ABCF1: variants seen among roughly 807,000 people sequenced by gnomAD.
ABCF1 encodes the protein ATP-binding cassette sub-family F member 1.
Under a neutral mutation model 126.3 loss-of-function variants are expected in ABCF1, and 73 were observed. That is an observed-to-expected ratio of 0.58 (90% CI 0.48 to 0.70). ABCF1 has a LOEUF of 0.70. Ranked by LOEUF, ABCF1 falls within the 30% of genes least tolerant of loss-of-function variation. The pLI is 0.00. For missense variants in ABCF1, 786 were observed against 1,057.5 expected (o/e 0.74, Z 3.56); for synonymous variants, 345 against 396.4 (o/e 0.87, Z 1.54).
intron 20 of ABCF1, among the ~76,000 whole-genome samples, chr6:30,588,617 C>T (rs1382565944): frequency 6.6e-6 from 1 of 151,994 alleles, no homozygotes; most frequent in Admixed American, 6.6e-5. Flanking sequence ...CGTCGGCCTC[C>T]CAGAGTGCTG....
rs188990456 is a variant in ABCF1, at chr6:30,575,384, A to G, written c.74-2025A>G. 4.7e-5 allele frequency among the ~76,000 whole-genome samples: 7 copies of G among 148,994 alleles called. No homozygotes were observed. The East Asian group carries it at 1.4e-3, about 30-fold the overall frequency. ...CACCCGACCAATTTTTTTTTTTTTA[A>G]TATTAAATACTGAAATGCTTAAGGG... On this transcript the variant is annotated intron_variant, in intron 1 of 24. Coordinates refer to ENST00000326195, the MANE Select transcript of ABCF1 (RefSeq NM_001025091.2).
chr6:30,580,667 GTTTGTTTTTGTT>G (rs996352360), intron 8 of ABCF1, 148 bp downstream of exon 8: 2 of 527,124 alleles, frequency 3.8e-6, no homozygotes, highest in African/African-American at 2.0e-5. Context: ...GTGGTGGTTC[GTTTGTTTTTGTT>G]TTTGTTTTTG....
At chr6:30,576,643 C>T (rs753172332) in intron 1 of ABCF1, among the ~76,000 whole-genome samples, 14 of 152,006 alleles carry the variant, frequency 9.2e-5, no homozygotes, top group South Asian at 2.1e-4. Flanking sequence ...TCTTTATGTC[C>T]GCTTGTCACC....
At chr6:30,578,241 G>C (rs2127406802) in intron 4 of ABCF1, 39 bp downstream of exon 4, 2 of 1,613,546 alleles carry the variant, frequency 1.2e-6, no homozygotes, top group East Asian at 4.5e-5. Context: ...TGGAATCCAT[G>C]AGTCATGGAG....
At chr6:30,587,739 C>G (rs1197276453) in intron 20 of ABCF1, among the ~76,000 whole-genome samples, 2 of 151,236 alleles carry the variant, frequency 1.3e-5, no homozygotes, top group African/African-American at 4.9e-5. Context: ...GTCCCAGCTA[C>G]TCGGGAGGCT....
chr6:30,573,885 G>A (rs1801370784), intron 1 of ABCF1, among the ~76,000 whole-genome samples: 1 of 152,172 alleles, frequency 6.6e-6, no homozygotes, highest in African/African-American at 2.4e-5. Flanking sequence ...ACGATTTTGA[G>A]ACCCAATGAG....
chr6:30,588,519 G>A (rs1346825923), intron 20 of ABCF1, among the ~76,000 whole-genome samples: 2 of 151,846 alleles, frequency 1.3e-5, no homozygotes, highest in Non-Finnish European at 1.5e-5. Context: ...GTGCTACCAC[G>A]CCCAGCTAAT....
chr6:30,574,390 G>C lies in ABCF1; in HGVS notation c.73+2830G>C, dbSNP rs1801394657. ...TGGCCTCAACCAGTCCTCCCACCTT[G>C]GTCCCCAAAATGTTGGGATTACAGG... On this transcript the variant is annotated intron_variant, in intron 1 of 24. Transcript: ENST00000326195. This position sits in a 1 kb window ranked among gnomAD's most constrained non-coding sequence, Gnocchi z 4.3. 1.3e-5 allele frequency among the ~76,000 whole-genome samples: 2 copies of C among 152,172 alleles called. No homozygotes were observed. Among genetic ancestry groups the C allele is most frequent in the African/African-American group, 4.8e-5 (2 of 41,446 alleles).
intron 8 of ABCF1, among the ~76,000 whole-genome samples, chr6:30,581,064 T>A (rs925787258): frequency 2.2e-4 from 34 of 152,122 alleles, no homozygotes; most frequent in African/African-American, 6.0e-4. Flanking sequence ...TTTTTTTTTT[T>A]AACAACTCTT....
At chr6:30,585,196 T>C (rs942414470) in intron 14 of ABCF1, 64 bp from the exon 15 acceptor site, 98 of 1,439,322 alleles carry the variant, frequency 6.8e-5, no homozygotes, top group Non-Finnish European at 9.3e-5. Flanking sequence ...CCGAGTTTTC[T>C]CTGGGGTTGT....
chr6:30,577,396 C>A lies in ABCF1; in HGVS notation c.74-13C>A. On this transcript the variant is annotated splice_polypyrimidine_tract_variant and intron_variant, in intron 1 of 24. Coordinates refer to ENST00000326195, the MANE Select transcript of ABCF1 (RefSeq NM_001025091.2). ...TGCAGATAAGCATTCACGATGTCCG[C>A]TTAACTTTCTAGACAAAGTGGTGAA... 6.2e-7 allele frequency: 1 copy of A among 1,613,710 alleles called. No individual in the cohort carries two copies. The highest frequency in any genetic ancestry group is 1.3e-5 in the African/African-American group (1 of 74,970).
At chr6:30,576,080 A>G (rs1436469027) in intron 1 of ABCF1, among the ~76,000 whole-genome samples, 1 of 142,640 alleles carries the variant, frequency 7.0e-6, no homozygotes, top group Non-Finnish European at 1.5e-5. Context: ...TCTCTTAAAA[A>G]AAAAAAAAAA....
chr6:30,573,891 A>G (rs1027989031), intron 1 of ABCF1, among the ~76,000 whole-genome samples: 64 of 152,236 alleles, frequency 4.2e-4, no homozygotes, highest in African/African-American at 1.3e-3. Flanking sequence ...TTGAGACCCA[A>G]TGAGGACAAG....
chr6:30,578,991 C>T (rs551343427), intron 6 of ABCF1, among the ~76,000 whole-genome samples: 1 of 151,938 alleles, frequency 6.6e-6, no homozygotes, highest in South Asian at 2.1e-4. Flanking sequence ...CAGAGCAAGA[C>T]TCAGTCTCAA....
At chr6:30,573,056 T>G (rs940171963) in intron 1 of ABCF1, among the ~76,000 whole-genome samples, 3 of 152,188 alleles carry the variant, frequency 2.0e-5, no homozygotes, top group Non-Finnish European at 2.9e-5. Flanking sequence ...TATGAACAGT[T>G]CACCTGTAGC....
At chr6:30,578,255 G>A (rs1412412248) in intron 4 of ABCF1, 53 bp downstream of exon 4, 2 of 1,613,570 alleles carry the variant, frequency 1.2e-6, no homozygotes, top group Non-Finnish European at 1.7e-6. Flanking sequence ...CATGGAGAGT[G>A]ATACCTCATA....
chr6:30,573,937 G>A (rs1801374399), intron 1 of ABCF1, among the ~76,000 whole-genome samples: 1 of 152,162 alleles, frequency 6.6e-6, no homozygotes, highest in African/African-American at 2.4e-5. Context: ...GGGTATAAGG[G>A]TAAAGAAGGC....
At chr6:30,590,507 C>A in intron 24 of ABCF1, 28 bp from the exon 25 acceptor site, 1 of 1,599,494 alleles carries the variant, frequency 6.3e-7, no homozygotes, top group South Asian at 1.1e-5. Context: ...TTCTTCCTGC[C>A]CTCTGTTGTT....
At chr6:30,577,612 G>A (rs150430055) in intron 2 of ABCF1, among the ~76,000 whole-genome samples, 157 bp downstream of exon 2, 1 of 151,982 alleles carries the variant, frequency 6.6e-6, no homozygotes, top group Non-Finnish European at 1.5e-5. Context: ...TAATCCCAGC[G>A]CTTAGGGAGG....
Sources: allele counts gnomAD v4.1 joint callset (sites outside exome capture counted in the v4.1 genomes callset), GRCh38; gene constraint gnomAD v4.1.1; non-coding constraint Gnocchi (gnomAD v3.1); transcripts MANE v1.5; gene names NCBI Gene and HGNC (gene_info 2026-07-23, HGNC 2026-07-21).